The following ARHGAP44 variants were observed in gnomAD, a reference collection of about 807,000 sequenced individuals.
The protein encoded by ARHGAP44 is Rho GTPase activating protein 44.
In ARHGAP44, 43 loss-of-function variants were observed where a neutral mutation model predicts 106.8. The observed-to-expected ratio is 0.40, with a 90% CI of 0.32 to 0.52. The LOEUF is 0.52. Ranked by LOEUF, ARHGAP44 falls within the 20% of genes least tolerant of loss-of-function variation. ARHGAP44 has a pLI of 0.48. For missense variants in ARHGAP44, 866 were observed against 1,050.5 expected (o/e 0.82, Z 2.43); for synonymous variants, 439 against 410.3 (o/e 1.07, Z -0.85).
chr17:12,828,688 C>T (rs1225462926), intron 1 of ARHGAP44, among the ~76,000 whole-genome samples: 2 of 131,232 alleles, frequency 1.5e-5, no homozygotes, highest in African/African-American at 3.1e-5. Flanking sequence ...GTCACTCAGG[C>T]TGCAGTGCAG....
At chr17:12,885,614 T>G (rs895390943) in intron 1 of ARHGAP44, among the ~76,000 whole-genome samples, 2 of 152,156 alleles carry the variant, frequency 1.3e-5, no homozygotes, top group African/African-American at 4.8e-5. Context: ...TCTTAAGGGC[T>G]AATAATGTTG....
chr17:12,868,856 C>T (rs1298530047), intron 1 of ARHGAP44, among the ~76,000 whole-genome samples: 2 of 151,240 alleles, frequency 1.3e-5, no homozygotes, highest in Admixed American at 6.6e-5. Context: ...CAGGGTCTCA[C>T]CATATTGGCC....
At chr17:12,909,949 A>T (rs1243589311) in intron 4 of ARHGAP44, among the ~76,000 whole-genome samples, 1 of 152,252 alleles carries the variant, frequency 6.6e-6, no homozygotes, top group East Asian at 1.9e-4. Context: ...GGGAAAAAAG[A>T]TCATTACTAT....
intron 1 of ARHGAP44, among the ~76,000 whole-genome samples, chr17:12,791,306 C>CACGTGAGGCT (rs2033749064): frequency 6.6e-6 from 1 of 152,192 alleles, no homozygotes; most frequent in Non-Finnish European, 1.5e-5. Context: ...CAGATATAGC[C>CACGTGAGGCT]TCACGTGGAC....
At chr17:12,977,481 C>T (rs945975965) in intron 18 of ARHGAP44, among the ~76,000 whole-genome samples, 1 of 152,158 alleles carries the variant, frequency 6.6e-6, no homozygotes, top group Non-Finnish European at 1.5e-5. Context: ...TCTGTCCAGC[C>T]AGGCTCTGCC....
chr17:12,864,892 A>C (rs2036189358), intron 1 of ARHGAP44, among the ~76,000 whole-genome samples: 1 of 152,186 alleles, frequency 6.6e-6, no homozygotes, highest in Non-Finnish European at 1.5e-5. Flanking sequence ...TGAAAGATGA[A>C]GGGGAAGAAA....
At chr17:12,935,043 C>T (rs1381430921) in intron 7 of ARHGAP44, among the ~76,000 whole-genome samples, 4 of 152,122 alleles carry the variant, frequency 2.6e-5, no homozygotes, top group South Asian at 2.1e-4. Context: ...CCCACAGGTT[C>T]TGAGTCACTA....
chr17:12,868,215 C>T (rs1256953153), intron 1 of ARHGAP44, among the ~76,000 whole-genome samples: 1 of 152,108 alleles, frequency 6.6e-6, no homozygotes, highest in African/African-American at 2.4e-5. Flanking sequence ...TCTGCGTCTT[C>T]ATATGGTCTT....
rs1297876048 is a variant in ARHGAP44 at position 12,987,268 on chromosome 17, A to G, written c.2317+2360A>G. On this transcript the variant is annotated intron_variant, in intron 20 of 20. Coordinates refer to ENST00000379672, the MANE Select transcript of ARHGAP44 (RefSeq NM_014859.6). ...CTCAGACCATTTGCATGGCAGCTTCACTCTCCAGCCTTCCCCGGCCTCAGC... is the reference window on the plus strand; with the variant it reads ...CTCAGACCATTTGCATGGCAGCTTCGCTCTCCAGCCTTCCCCGGCCTCAGC... 5.5e-6 allele frequency: 5 copies of G among 909,180 alleles called. No homozygotes were observed. The South Asian group carries it at 9.8e-5, about 18-fold the overall frequency. The allele number at this position is 909,180 out of a possible 1,614,324, so 56.3% of individuals were successfully genotyped here.
At chr17:12,859,436 C>A (rs1382227186) in intron 1 of ARHGAP44, among the ~76,000 whole-genome samples, 2 of 152,176 alleles carry the variant, frequency 1.3e-5, no homozygotes, top group Non-Finnish European at 2.9e-5. Flanking sequence ...AGATCTGCCC[C>A]CTTTTTCCTG....
At chr17:12,899,222 G>A (rs1225886092) in intron 3 of ARHGAP44, among the ~76,000 whole-genome samples, 1 of 152,138 alleles carries the variant, frequency 6.6e-6, no homozygotes, top group Non-Finnish European at 1.5e-5. Flanking sequence ...GCCCACCTAG[G>A]CCTCCCAAAG....
At chr17:12,800,566 C>T (rs1052135774) in intron 1 of ARHGAP44, among the ~76,000 whole-genome samples, 16 of 152,170 alleles carry the variant, frequency 1.1e-4, no homozygotes, top group African/African-American at 2.7e-4. Context: ...CTGGAAGTGA[C>T]GCGTGCCACT....
At chr17:12,833,866 G>A (rs942782924) in intron 1 of ARHGAP44, among the ~76,000 whole-genome samples, 16 of 152,266 alleles carry the variant, frequency 1.1e-4, no homozygotes, top group African/African-American at 3.4e-4. Context: ...AAAATGTCTG[G>A]GTTAATGTAA....
At chr17:12,956,108 T>C (rs1243200222) in intron 14 of ARHGAP44, 128 bp downstream of exon 14, 2 of 647,844 alleles carry the variant, frequency 3.1e-6, no homozygotes, top group African/African-American at 3.7e-5. Context: ...ATTTCTTTGT[T>C]GGCCTGCTCC....
intron 1 of ARHGAP44, among the ~76,000 whole-genome samples, chr17:12,801,438 G>T (rs938777549): frequency 6.6e-6 from 1 of 152,202 alleles, no homozygotes; most frequent in Non-Finnish European, 1.5e-5. Context: ...CCTTGTTGCT[G>T]CTGGTTGCAT....
intron 1 of ARHGAP44, among the ~76,000 whole-genome samples, chr17:12,875,885 A>C (rs559992115): frequency 6.6e-6 from 1 of 152,236 alleles, no homozygotes; most frequent in Non-Finnish European, 1.5e-5. Flanking sequence ...TGGAGTTTGC[A>C]GTGAGCTGAG....
chr17:12,796,173 A>C (rs2033913860), intron 1 of ARHGAP44, among the ~76,000 whole-genome samples: 1 of 148,854 alleles, frequency 6.7e-6, no homozygotes, highest in African/African-American at 2.6e-5. Flanking sequence ...TCTATTCTTT[A>C]AAAAGAGTAC....
chr17:12,929,100 A>AG, intron 7 of ARHGAP44, 54 bp downstream of exon 7: 2 of 1,496,934 alleles, frequency 1.3e-6, no homozygotes, highest in Non-Finnish European at 1.8e-6. Flanking sequence ...GCCCTCAGGG[A>AG]TTCCCTTTTT....
At chr17:12,929,224 C>G in intron 7 of ARHGAP44, 178 bp downstream of exon 7, 1 of 531,236 alleles carries the variant, frequency 1.9e-6, no homozygotes, top group Admixed American at 3.2e-5. Context: ...GGAGTTGGGG[C>G]TTTGATGGTG....
Sources: allele counts gnomAD v4.1 joint callset (sites outside exome capture counted in the v4.1 genomes callset), GRCh38; gene constraint gnomAD v4.1.1; transcripts MANE v1.5; gene names NCBI Gene and HGNC (gene_info 2026-07-23, HGNC 2026-07-21).